POMT1: variants seen among roughly 807,000 people sequenced by gnomAD.
POMT1 encodes the protein protein O-mannosyl-transferase 1.
POMT1 carries 85 observed loss-of-function variants against 101.6 expected under a neutral mutation model. That is an observed-to-expected ratio of 0.84 (90% CI 0.70 to 1.00). The LOEUF is 1.00. POMT1 is among the 50% of genes least tolerant of loss of function. The pLI, the probability that POMT1 is intolerant of heterozygous loss-of-function variation, is 0.00. For missense variants in POMT1, 857 were observed against 930.4 expected (o/e 0.92, Z 1.03); for synonymous variants, 371 against 383.0 (o/e 0.97, Z 0.37).
At chr9:131,521,661 AC>A (rs910264574) in intron 18 of POMT1, among the ~76,000 whole-genome samples, 189 bp downstream of exon 18, 2 of 152,030 alleles carry the variant, frequency 1.3e-5, no homozygotes, top group Non-Finnish European at 2.9e-5. Context: ...ATAGGAACCT[AC>A]CCCTTAACGC....
At chr9:131,518,259 C>T (rs1949151244) in intron 13 of POMT1, 186 bp from the exon 14 acceptor site, 3 of 728,582 alleles carry the variant, frequency 4.1e-6, no homozygotes, top group Non-Finnish European at 7.7e-6. Flanking sequence ...ACCCTCGGAG[C>T]AGCCCGGGGT....
intron 4 of POMT1, 127 bp from the exon 5 acceptor site, chr9:131,507,241 C>T: frequency 2.1e-6 from 3 of 1,439,332 alleles, no homozygotes; most frequent in Non-Finnish European, 9.7e-7. Context: ...CTGATGGGGT[C>T]CCCAGTTTTG....
rs374961132 is a variant in POMT1, at chr9:131,522,355, C to T, written c.2003+131C>T. 156 of 1,505,472 alleles carry T rather than the reference C, an allele frequency of 1.0e-4. No homozygotes were observed. In the African/African-American group the frequency reaches 1.2e-3, roughly 11 times the overall value. 93.3% of individuals were successfully genotyped at this position (1,505,472 alleles called of 1,614,324 possible). ...TACACTGACATCCTCCGGGTCCCTC[C>T]GGGGAATGGGTGAGGTTCAGAAGAG... is the stretch of plus-strand genomic sequence containing the variant. On this transcript the variant is annotated intron_variant, in intron 19 of 19. Transcript: ENST00000402686. This position sits in a 1 kb window ranked among gnomAD's most constrained non-coding sequence, Gnocchi z 5.5.
At chr9:131,520,268 C>T (rs2131883722) in intron 17 of POMT1, 75 bp downstream of exon 17, 2 of 1,229,032 alleles carry the variant, frequency 1.6e-6, no homozygotes, top group Non-Finnish European at 2.4e-6. Flanking sequence ...TTAAGAGCAG[C>T]CGCTGCACCC....
Position 131,504,747 on chromosome 9 carries a change from A to ATGTGTGTGTGTG in POMT1, c.122+414_122+415insGTGTGTGTGTGT, listed in dbSNP as rs1554770656. Among the ~76,000 whole-genome samples the ATGTGTGTGTGTG allele has an allele frequency of 6.5e-5, 8 of 122,774 alleles. No individual in the cohort carries two copies. The South Asian group carries it at 8.3e-4, about 13-fold the overall frequency. The allele number at this position is 122,774 out of a possible 152,430, so 80.5% of individuals were successfully genotyped here. A position where few individuals can be genotyped will look rare whatever the true frequency, so the allele number is the denominator to read the frequency against. ...TGAAGGGCTCTTTATTAACTGATTA[A>ATGTGTGTGTGTG]TGTGTGTATGTGTGTGTGTGTGTGT... On this transcript the variant is annotated intron_variant, in intron 2 of 19. Transcript: ENST00000402686.
chr9:131,509,670 T>C, intron 6 of POMT1, 73 bp from the exon 7 acceptor site: 1 of 1,613,458 alleles, frequency 6.2e-7, no homozygotes, highest in African/African-American at 1.3e-5. Flanking sequence ...CTCTGAAGAA[T>C]GTGGAGCTTC....
rs398124244 is a variant in POMT1 at position 131,506,123 on chromosome 9, A to C, written c.132A>C (p.Glu44Asp). ...LTYPRAVVFD[E>D]VYYGQYISFY... ...TTGTTTTTTTTTCTAGTTTTGACGA[A>C]GTATATTATGGGCAGTACATCTCTT... The change falls in exon 3 of 20, where the codon GAA becomes GAC. Residue 44 changes from glutamate to aspartate, a missense_variant. Physicochemically the swap from Glu to Asp is conservative, Grantham distance 45. Transcript: ENST00000402686. 193 of 1,613,828 alleles carry C rather than the reference A, an allele frequency of 1.2e-4. No individual in the cohort carries two copies. The highest frequency in any genetic ancestry group is 1.6e-4 in the Non-Finnish European group (193 of 1,179,858).
Position 131,519,715 on chromosome 9 carries a change from G to A in POMT1, c.1584+229G>A, listed in dbSNP as rs909628899. Among the ~76,000 whole-genome samples, 4 of 152,178 alleles carry A rather than the reference G, an allele frequency of 2.6e-5. No homozygotes were observed. The highest frequency in any genetic ancestry group is 5.9e-5 in the Non-Finnish European group (4 of 68,042). ...GAATAATAGGGACCCAGGAGGTTCT[G>A]CAACATCGCCAGGGTGTCTTAAGGC... On this transcript the variant is annotated intron_variant, in intron 16 of 19. Coordinates refer to ENST00000402686, the MANE Select transcript of POMT1 (RefSeq NM_001077365.2). The surrounding 1 kb of genome is among the most constrained non-coding windows in gnomAD (Gnocchi z 4.3).
chr9:131,519,152 T>A lies in POMT1; in HGVS notation c.1486+195T>A, dbSNP rs1204809365. On this transcript the variant is annotated intron_variant, in intron 15 of 19. Coordinates refer to ENST00000402686, the MANE Select transcript of POMT1 (RefSeq NM_001077365.2). The surrounding 1 kb of genome is among the most constrained non-coding windows in gnomAD (Gnocchi z 4.3). ...AACTCAAGACGCTTCTTCCGAGGTG[T>A]CGCTGGAAGGCAACCAGTTTATCCC... Among the ~76,000 whole-genome samples the A allele has an allele frequency of 1.3e-5, 2 of 152,172 alleles. No individual in the cohort carries two copies. Among genetic ancestry groups the A allele is most frequent in the Non-Finnish European group, 2.9e-5 (2 of 68,030 alleles).
At chr9:131,517,703 T>A (rs190952218) in intron 13 of POMT1, among the ~76,000 whole-genome samples, 31 of 152,352 alleles carry the variant, frequency 2.0e-4, no homozygotes, top group African/African-American at 6.5e-4. Flanking sequence ...ACGTGAGTGC[T>A]GTGCCCCTTC....
At chr9:131,511,303 T>C (rs1372280264) in intron 9 of POMT1, 34 bp from the exon 10 acceptor site, 2 of 1,591,508 alleles carry the variant, frequency 1.3e-6, no homozygotes, top group Admixed American at 3.4e-5. Context: ...TTTCTTTCTG[T>C]CTCTCACTCA....
At chr9:131,511,002 CAAGTTGTTT>C in intron 9 of POMT1, 1 of 287,348 alleles carries the variant, frequency 3.5e-6, no homozygotes, top group Non-Finnish European at 6.6e-6. Flanking sequence ...TGTGTTTCAG[CAAGTTGTTT>C]GGCTCACCCT....
chr9:131,506,609 T>C (rs1002894152), intron 4 of POMT1, 156 bp downstream of exon 4: 4 of 745,684 alleles, frequency 5.4e-6, no homozygotes, highest in African/African-American at 1.8e-5. Flanking sequence ...AAATAATAAA[T>C]TGGTTGGATA....
chr9:131,517,694 C>T (rs951621938), intron 13 of POMT1, among the ~76,000 whole-genome samples: 10 of 152,328 alleles, frequency 6.6e-5, no homozygotes, highest in South Asian at 2.1e-4. Flanking sequence ...CCTTCCCTGA[C>T]GTGAGTGCTG....
chr9:131,518,989 G>T, intron 15 of POMT1, 32 bp downstream of exon 15: 1 of 1,612,396 alleles, frequency 6.2e-7, no homozygotes, highest in Non-Finnish European at 8.5e-7. Context: ...CGCCGCTCCT[G>T]GAATGTACTT....
At position 131,520,266 on chromosome 9, in the gene POMT1, A is replaced by C. The variant is rs1949652794; in HGVS notation, c.1698+73A>C. 7 of 1,251,880 alleles carry C rather than the reference A, an allele frequency of 5.6e-6. No individual in the cohort carries two copies. In the South Asian group the frequency reaches 8.5e-5, roughly 15 times the overall value. 77.5% of individuals were successfully genotyped at this position (1,251,880 alleles called of 1,614,324 possible). On this transcript the variant is annotated intron_variant, in intron 17 of 19. Coordinates refer to ENST00000402686, the MANE Select transcript of POMT1 (RefSeq NM_001077365.2). ...CTTGAGAATTCCTTGCATTAAGAGC[A>C]GCCGCTGCACCCTAGAAAGTGCTGG...
At chr9:131,512,614 C>T (rs1947365603) in intron 11 of POMT1, among the ~76,000 whole-genome samples, 2 of 151,856 alleles carry the variant, frequency 1.3e-5, no homozygotes, top group Non-Finnish European at 2.9e-5. Context: ...TCTTTTTTTT[C>T]TTCTTATTTT....
intron 10 of POMT1, 59 bp downstream of exon 10, chr9:131,511,526 T>C (rs1588392065): frequency 6.2e-7 from 1 of 1,603,174 alleles, no homozygotes; most frequent in East Asian, 2.2e-5. Flanking sequence ...GTAGATTTGC[T>C]TATCTTAGCA....
chr9:131,510,975 C>CTAA, intron 9 of POMT1: 4 of 262,496 alleles, frequency 1.5e-5, no homozygotes, highest in East Asian at 9.8e-5. Context: ...CTGCCGACGG[C>CTAA]CAGTGCTGTA....
Sources: allele counts gnomAD v4.1 joint callset (sites outside exome capture counted in the v4.1 genomes callset), GRCh38; gene constraint gnomAD v4.1.1; non-coding constraint Gnocchi (gnomAD v3.1); transcripts MANE v1.5; gene names NCBI Gene and HGNC (gene_info 2026-07-23, HGNC 2026-07-21).